The following CFHR3 variants were observed in gnomAD, a reference collection of about 807,000 sequenced individuals.
The protein encoded by CFHR3 is complement factor H-related protein 3.
Under a neutral mutation model 36.0 loss-of-function variants are expected in CFHR3, and 22 were observed. The observed-to-expected ratio is 0.61, with a 90% CI of 0.44 to 0.87. CFHR3 has a LOEUF of 0.87. Ranked by LOEUF, CFHR3 falls within the 40% of genes least tolerant of loss-of-function variation. CFHR3 has a pLI of 0.00. For synonymous variants in CFHR3, 97 were observed against 137.4 expected (o/e 0.71, Z 2.06); for missense variants, 276 against 401.3 (o/e 0.69, Z 2.67).
At chr1:196,786,460 G>C (rs1431240068) in intron 3 of CFHR3, among the ~76,000 whole-genome samples, 1 of 136,056 alleles carries the variant, frequency 7.3e-6, no homozygotes, top group Non-Finnish European at 1.6e-5. Flanking sequence ...GCTCCACCCA[G>C]TTCGAGCTTC....
chr1:196,785,208 C>T (rs1183035024), intron 3 of CFHR3, among the ~76,000 whole-genome samples: 1 of 136,264 alleles, frequency 7.3e-6, no homozygotes, highest in African/African-American at 3.1e-5. Flanking sequence ...TGTGGGTAAC[C>T]CGACCTTTCT....
intron 3 of CFHR3, among the ~76,000 whole-genome samples, chr1:196,782,900 T>G (rs1654016786): frequency 7.3e-6 from 1 of 137,288 alleles, no homozygotes; most frequent in Non-Finnish European, 1.5e-5. Flanking sequence ...AAGGAATGCT[T>G]CCAGTTTTTG....
chr1:196,792,082 C>G (rs2124865671), intron 5 of CFHR3, among the ~76,000 whole-genome samples: 1 of 129,780 alleles, frequency 7.7e-6, no homozygotes, highest in East Asian at 2.0e-4. Flanking sequence ...TCCCAGGCAG[C>G]AGGAAACTTT....
At chr1:196,789,003 TA>T in intron 4 of CFHR3, 1 of 1,295,942 alleles carries the variant, frequency 7.7e-7, no homozygotes, top group Non-Finnish European at 9.9e-7. Flanking sequence ...TCTTTACATG[TA>T]AAGTTCTCTG....
chr1:196,785,565 C>T (rs57222140), intron 3 of CFHR3, among the ~76,000 whole-genome samples: 2,613 of 136,746 alleles, frequency 0.019, 691 homozygotes, highest in African/African-American at 0.073. Context: ...CATCTTCCAT[C>T]ACTGATACCC....
Position 196,794,823 on chromosome 1 carries a change from A to C in CFHR3, c.*1310A>C. On this transcript the variant is annotated 3_prime_UTR_variant, in exon 6 of 6. Coordinates refer to ENST00000367425, the MANE Select transcript of CFHR3 (RefSeq NM_021023.6). ...AGAAAACAATGTTCCCTTTCCCAAC[A>C]CTTTTCCTGATTATAGAGAAAAAAG... 1 of 242,006 alleles carries C rather than the reference A, an allele frequency of 4.1e-6. No individual in the cohort carries two copies. The allele number at this position is 242,006 out of a possible 1,614,324, so 15.0% of individuals were successfully genotyped here.
At chr1:196,783,032 A>G (rs1209931558) in intron 3 of CFHR3, among the ~76,000 whole-genome samples, 1 of 136,778 alleles carries the variant, frequency 7.3e-6, no homozygotes. Context: ...AATTTTGTCA[A>G]AGGCCTTTTC....
In CFHR3 at chr1:196,788,129, G is replaced by A. The variant is rs572882916; in HGVS notation, c.431-87G>A. ...TCATTAACAAATGTTTCATTGTTTCGCCATATTGCCATGTTTTTACTTGTT... is the reference window on the plus strand; with the variant it reads ...TCATTAACAAATGTTTCATTGTTTCACCATATTGCCATGTTTTTACTTGTT... On this transcript the variant is annotated intron_variant, in intron 3 of 5. Coordinates refer to ENST00000367425, the MANE Select transcript of CFHR3 (RefSeq NM_021023.6). 1,242 of 912,474 alleles carry A rather than the reference G, an allele frequency of 1.4e-3. 190 individuals carry two copies. The highest frequency in any genetic ancestry group is 1.7e-3 in the Non-Finnish European group (1,100 of 660,198). 56.5% of individuals were successfully genotyped at this position (912,474 alleles called of 1,614,324 possible).
rs1654532534 is a variant in CFHR3, at chr1:196,794,766, G to A, written c.*1253G>A. The A allele has an allele frequency of 3.6e-6, 1 of 274,528 alleles. No homozygotes were observed. The highest frequency in any genetic ancestry group is 7.0e-6 in the Non-Finnish European group (1 of 142,264). The allele number at this position is 274,528 out of a possible 1,614,324, so 17.0% of individuals were successfully genotyped here. On this transcript the variant is annotated 3_prime_UTR_variant, in exon 6 of 6. Transcript: ENST00000367425. ...TTTAATAGATTTTTACCCCCAGTTAGCATATGGTTAGTGAGAAGTTGCAGG... is the reference window on the plus strand; with the variant it reads ...TTTAATAGATTTTTACCCCCAGTTAACATATGGTTAGTGAGAAGTTGCAGG...
In CFHR3 at chr1:196,784,186, G is replaced by A. The variant is rs1214771553; in HGVS notation, c.431-4030G>A. On this transcript the variant is annotated intron_variant, in intron 3 of 5. Transcript: ENST00000367425. ...TGAGAGACAGTTTGTTATAATTTCT[G>A]TTCTTTTACATTTGCTGAGGAGAGC... Among the ~76,000 whole-genome samples the A allele has an allele frequency of 6.6e-5, 9 of 136,294 alleles. 2 individuals carry two copies. In the South Asian group the frequency reaches 2.3e-3, roughly 35 times the overall value. The allele number at this position is 136,294 out of a possible 152,430, so 89.4% of individuals were successfully genotyped here.
At chr1:196,789,562 C>T in intron 4 of CFHR3, 2 of 1,119,234 alleles carry the variant, frequency 1.8e-6, no homozygotes, top group Non-Finnish European at 1.2e-6. Flanking sequence ...AATATATACA[C>T]CCTTACTGTT....
At position 196,788,345 on chromosome 1, in the gene CFHR3, C is replaced by T. The variant is rs201998349; in HGVS notation, c.560C>T (p.Ser187Leu). Residue 187 changes from serine (S) to leucine (L), a missense_variant, in exon 4 of 6, where the codon TCA becomes TTA. Ser to Leu is a moderately radical substitution (Grantham distance 145). Transcript: ENST00000367425. Reference protein sequence around the residue: ...PGYATADGNSSGSITCLQNGW... With the variant: ...PGYATADGNSLGSITCLQNGW... The stretch of plus-strand genomic sequence containing the variant: ...TATGCAACAGCAGATGGAAATTCTT[C>T]AGGATCAATTACATGTTTGCAAAAT... 6.5e-6 allele frequency: 10 copies of T among 1,529,502 alleles called. 1 individual carries two copies. The highest frequency in any genetic ancestry group is 8.8e-6 in the Non-Finnish European group (10 of 1,131,780). The allele number at this position is 1,529,502 out of a possible 1,614,324, so 94.7% of individuals were successfully genotyped here. A position where few individuals can be genotyped will look rare whatever the true frequency, so the allele number is the denominator to read the frequency against.
At position 196,787,175 on chromosome 1, in the gene CFHR3, G is replaced by A. The variant is rs1334853668; in HGVS notation, c.431-1041G>A. On this transcript the variant is annotated intron_variant, in intron 3 of 5. Transcript: ENST00000367425. ...TTCCTACACCATTATAGGAGCAACT[G>A]TCCTCAACAATAGCCTAAGCCCCTG... is the stretch of plus-strand genomic sequence containing the variant. Among the ~76,000 whole-genome samples the A allele has an allele frequency of 1.5e-5, 2 of 137,236 alleles. 1 individual carries two copies. Among genetic ancestry groups the A allele is most frequent in the Non-Finnish European group, 3.1e-5 (2 of 64,638 alleles). The allele number at this position is 137,236 out of a possible 152,430, so 90.0% of individuals were successfully genotyped here. A position where few individuals can be genotyped will look rare whatever the true frequency, so the allele number is the denominator to read the frequency against.
At chr1:196,792,039 A>G (rs1421552252) in intron 5 of CFHR3, among the ~76,000 whole-genome samples, 2 of 133,046 alleles carry the variant, frequency 1.5e-5, no homozygotes, top group Non-Finnish European at 3.1e-5. Flanking sequence ...GATTACATAT[A>G]CATATGGCAT....
Position 196,794,581 on chromosome 1 carries a change from T to C in CFHR3, c.*1068T>C, listed in dbSNP as rs951328775. On this transcript the variant is annotated 3_prime_UTR_variant, in exon 6 of 6. Transcript: ENST00000367425. ...AATATTTTGAAAGTTTCTTCATATATGGTTTTTTGCATTTCTTATTAAGTT... is the reference window on the plus strand; with the variant it reads ...AATATTTTGAAAGTTTCTTCATATACGGTTTTTTGCATTTCTTATTAAGTT... 2.7e-6 allele frequency: 1 copy of C among 366,404 alleles called. No individual in the cohort carries two copies. Among genetic ancestry groups the C allele is most frequent in the Non-Finnish European group, 5.1e-6 (1 of 194,218 alleles). The allele number at this position is 366,404 out of a possible 1,614,324, so 22.7% of individuals were successfully genotyped here. A position where few individuals can be genotyped will look rare whatever the true frequency, so the allele number is the denominator to read the frequency against.
In CFHR3 at chr1:196,793,723, A is replaced by G; in HGVS notation, c.*210A>G. The G allele has an allele frequency of 2.2e-6, 1 of 452,070 alleles. No individual in the cohort carries two copies. The highest frequency in any genetic ancestry group is 3.7e-6 in the Non-Finnish European group (1 of 268,662). 28.0% of individuals were successfully genotyped at this position (452,070 alleles called of 1,614,324 possible). ...AATTATTGCTTATGCTTGTACTAAAATAATAAAAACTACTCTTATATTGGA... is the reference window on the plus strand; with the variant it reads ...AATTATTGCTTATGCTTGTACTAAAGTAATAAAAACTACTCTTATATTGGA... On this transcript the variant is annotated 3_prime_UTR_variant, in exon 6 of 6. Coordinates refer to ENST00000367425, the MANE Select transcript of CFHR3 (RefSeq NM_021023.6).
At position 196,779,947 on chromosome 1, in the gene CFHR3, C is replaced by T; in HGVS notation, c.404C>T (p.Ser135Phe). 3 of 1,533,196 alleles carry T rather than the reference C, an allele frequency of 2.0e-6. 1 individual carries two copies. The highest frequency in any genetic ancestry group is 2.6e-6 in the Non-Finnish European group (3 of 1,133,278). The allele number at this position is 1,533,196 out of a possible 1,614,324, so 95.0% of individuals were successfully genotyped here. ...GTTACATGTACGGAGAAAGGCTGGTCTCCTACTCCCAGATGCATCCGTGTC... is the reference window on the plus strand; with the variant it reads ...GTTACATGTACGGAGAAAGGCTGGTTTCCTACTCCCAGATGCATCCGTGTC... ...TTVTCTEKGWSPTPRCIRVRT... is the reference protein window; with the variant it reads ...TTVTCTEKGWFPTPRCIRVRT... Residue 135 changes from serine (S) to phenylalanine (F), a missense_variant, in exon 3 of 6, where the codon TCT becomes TTT. Ser to Phe is a radical substitution (Grantham distance 155). This residue lies in a region of CFHR3 where 178 missense variants were observed against 247.2 expected (regional missense o/e 0.72). Transcript: ENST00000367425.
At chr1:196,790,719 A>G (rs427939) in intron 5 of CFHR3, among the ~76,000 whole-genome samples, 71,815 of 122,596 alleles carry the variant, frequency 0.59, 26,190 homozygotes, top group East Asian at 0.94. Context: ...GGGAGACCCC[A>G]TCTCCAAAAA....
chr1:196,789,899 C>T, intron 4 of CFHR3, 146 bp from the exon 5 acceptor site: 1 of 1,241,328 alleles, frequency 8.1e-7, no homozygotes, highest in Non-Finnish European at 1.1e-6. Context: ...TATCTTGAGA[C>T]TTAAAAAGAA....
Sources: allele counts gnomAD v4.1 joint callset (sites outside exome capture counted in the v4.1 genomes callset), GRCh38; gene constraint gnomAD v4.1.1; regional missense constraint gnomAD v4.1.1; transcripts MANE v1.5; gene names NCBI Gene and HGNC (gene_info 2026-07-23, HGNC 2026-07-21).